PDE1C: variants seen among roughly 807,000 people sequenced by gnomAD.
PDE1C encodes dual specificity calcium/calmodulin-dependent 3',5'-cyclic nucleotide phosphodiesterase 1C.
Under a neutral mutation model 93.1 loss-of-function variants are expected in PDE1C, and 62 were observed. The observed-to-expected ratio is 0.67, with a 90% confidence interval of 0.54 to 0.82. The LOEUF (loss-of-function observed/expected upper bound fraction) is 0.82, where lower values mean the gene tolerates loss of function less well. Among genes scored for constraint, PDE1C ranks in the 40% least tolerant of loss-of-function variants. The pLI is 0.00. For synonymous variants in PDE1C, 325 were observed against 310.1 expected (o/e 1.05, Z -0.50); for missense variants, 742 against 884.6 (o/e 0.84, Z 2.04).
intron 2 of PDE1C, among the ~76,000 whole-genome samples, chr7:31,907,032 AG>A (rs1157402668): frequency 7.9e-5 from 12 of 151,522 alleles, no homozygotes; most frequent in African/African-American, 2.9e-4. Flanking sequence ...GAGCAAGAAT[AG>A]GACTTGAGAA....
At chr7:32,128,914 T>A (rs1481126518) in intron 3 of PDE1C, among the ~76,000 whole-genome samples, 37 of 37,250 alleles carry the variant, frequency 9.9e-4, no homozygotes, top group African/African-American at 3.6e-3. Context: ...CAAATATATA[T>A]ATATATATAT....
the PDE1C span, among the ~76,000 whole-genome samples, chr7:31,618,379 C>T: frequency 2.0e-5 from 3 of 152,154 alleles, no homozygotes; most frequent in African/African-American, 4.8e-5. Context: ...TTCCTGCTAA[C>T]ACACACCACT....
intron 1 of PDE1C, among the ~76,000 whole-genome samples, chr7:32,060,347 T>A (rs1399622756): frequency 6.6e-6 from 1 of 152,226 alleles, no homozygotes; most frequent in African/African-American, 2.4e-5. Context: ...AACTGACTCC[T>A]GGCAGAAAGC....
At chr7:31,711,056 G>A in the PDE1C span, among the ~76,000 whole-genome samples, 7 of 152,290 alleles carry the variant, frequency 4.6e-5, no homozygotes, top group Admixed American at 1.3e-4. Flanking sequence ...CCAGCAAGAT[G>A]AGACTCCTCC....
intron 1 of PDE1C, among the ~76,000 whole-genome samples, chr7:32,400,587 TG>T (rs1784922985): frequency 6.6e-6 from 1 of 152,216 alleles, no homozygotes; most frequent in Non-Finnish European, 1.5e-5. Context: ...GTGTTTGCCA[TG>T]GAAAGTTTTC....
At chr7:32,422,287 G>A (rs1785447443) in intron 1 of PDE1C, among the ~76,000 whole-genome samples, 1 of 152,086 alleles carries the variant, frequency 6.6e-6, no homozygotes, top group African/African-American at 2.4e-5. Context: ...ACACACCAAT[G>A]TTTATTATTA....
intron 2 of PDE1C, among the ~76,000 whole-genome samples, chr7:32,033,743 G>A (rs1454348127): frequency 6.6e-6 from 1 of 151,998 alleles, no homozygotes; most frequent in Non-Finnish European, 1.5e-5. Flanking sequence ...CAGGTTGGAG[G>A]AAAACCCAAA....
intron 2 of PDE1C, among the ~76,000 whole-genome samples, chr7:31,994,057 A>G (rs1389262179): frequency 6.6e-6 from 1 of 152,074 alleles, no homozygotes; most frequent in Non-Finnish European, 1.5e-5. Context: ...TCTAATATAT[A>G]AGTCCCATTT....
At chr7:32,207,645 A>T (rs1474258718) in intron 2 of PDE1C, among the ~76,000 whole-genome samples, 1 of 152,080 alleles carries the variant, frequency 6.6e-6, no homozygotes, top group Non-Finnish European at 1.5e-5. Context: ...TATCAGTCCA[A>T]CCTAACTGGT....
At chr7:32,160,222 A>G (rs773137335) in intron 3 of PDE1C, among the ~76,000 whole-genome samples, 3 of 152,188 alleles carry the variant, frequency 2.0e-5, no homozygotes, top group Non-Finnish European at 4.4e-5. Context: ...GCATTTTACC[A>G]AAAGAAACTA....
intron 14 of PDE1C, among the ~76,000 whole-genome samples, chr7:31,821,346 T>C (rs547059899): frequency 6.6e-6 from 1 of 152,332 alleles, no homozygotes; most frequent in South Asian, 2.1e-4. Flanking sequence ...AGTTTTCTCC[T>C]GAAACTGTCA....
intron 2 of PDE1C, among the ~76,000 whole-genome samples, chr7:31,998,010 T>TTTATTTTATTTTTA (rs372231310): frequency 3.4e-5 from 5 of 148,662 alleles, no homozygotes; most frequent in Admixed American, 2.7e-4. Context: ...TTTATTTTAT[T>TTTATTTTATTTTTA]TTTATTTATT....
rs149687033 is a variant in PDE1C, at chr7:31,811,724, G to T, written c.1814-2616C>A. 4.4e-4 allele frequency among the ~76,000 whole-genome samples: 67 copies of T among 152,206 alleles called. 1 individual carries two copies. In the East Asian group the frequency reaches 0.013, roughly 30 times the overall value. On this transcript the variant is annotated intron_variant, in intron 15 of 17. Transcript: ENST00000396191. ...ACCAGGATGTCTTCTGGAAGTCGTG[G>T]AGATGGTTCCCTTTGCTGGTTGCTA...
intron 17 of PDE1C, among the ~76,000 whole-genome samples, chr7:31,755,269 G>C (rs538311796): frequency 3.0e-4 from 45 of 152,272 alleles, no homozygotes; most frequent in Middle Eastern, 3.4e-3. Flanking sequence ...TAGCTTAATA[G>C]AGATACAGGT....
chr7:32,374,609 C>T (rs1784404589), intron 1 of PDE1C, among the ~76,000 whole-genome samples: 1 of 152,256 alleles, frequency 6.6e-6, no homozygotes, highest in African/African-American at 2.4e-5. Flanking sequence ...CCAACCTTCT[C>T]ATCTTCCCAC....
chr7:32,307,217 G>C (rs553970908), intron 1 of PDE1C, among the ~76,000 whole-genome samples: 1 of 152,124 alleles, frequency 6.6e-6, no homozygotes, highest in Non-Finnish European at 1.5e-5. Flanking sequence ...AATATAGGTT[G>C]TGGGGAGCAG....
At chr7:32,162,827 CCA>C (rs201307625) in intron 3 of PDE1C, among the ~76,000 whole-genome samples, 1 of 152,080 alleles carries the variant, frequency 6.6e-6, no homozygotes, top group East Asian at 1.9e-4. Flanking sequence ...CTCATGGCCA[CCA>C]CAGAGATAAG....
rs567263084 is a variant in PDE1C, at chr7:32,385,979, G to A, written c.310+41843C>T. 1.8e-4 allele frequency among the ~76,000 whole-genome samples: 27 copies of A among 152,140 alleles called. No homozygotes were observed. In the South Asian group the frequency reaches 5.6e-3, roughly 32 times the overall value. ...GACTGGGACCTGTCCCAGAGACTACGATGGCCAAGCAGCTCTGGTTGTGAG... is the reference window on the plus strand; with the variant it reads ...GACTGGGACCTGTCCCAGAGACTACAATGGCCAAGCAGCTCTGGTTGTGAG... On this transcript the variant is annotated intron_variant, in intron 1 of 1. Coordinates refer to the PDE1C transcript ENST00000672256.
chr7:31,827,453 T>G (rs1338178915), intron 12 of PDE1C, among the ~76,000 whole-genome samples: 1 of 152,198 alleles, frequency 6.6e-6, no homozygotes, highest in Non-Finnish European at 1.5e-5. Context: ...AATAGATTTT[T>G]GTTTTTGTAA....
Sources: gnomAD v4.1 joint callset for allele counts (sites outside exome capture counted in the v4.1 genomes callset) on GRCh38, gnomAD v4.1.1 for gene constraint, MANE v1.5 for transcripts, NCBI Gene and HGNC (gene_info 2026-07-23, HGNC 2026-07-21) for gene names.